The following NEK6 variants were observed in gnomAD, a reference collection of about 807,000 sequenced individuals.
NEK6 encodes serine/threonine-protein kinase Nek6.
NEK6 carries 27 observed loss-of-function variants against 43.5 expected under a neutral mutation model. That is an observed-to-expected ratio of 0.62 (90% CI 0.46 to 0.86). NEK6 has a LOEUF of 0.86. Ranked by LOEUF, NEK6 falls within the 40% of genes least tolerant of loss-of-function variation. NEK6 has a pLI of 0.00. For missense variants in NEK6, 318 were observed against 414.4 expected, an observed-to-expected ratio of 0.77 and a Z score of 2.02; for synonymous variants, 167 against 164.1, an observed-to-expected ratio of 1.02 and a Z score of -0.14.
At chr9:124,276,728 T>A (rs868089493) in intron 1 of NEK6, among the ~76,000 whole-genome samples, 4 of 152,356 alleles carry the variant, frequency 2.6e-5, no homozygotes, top group Middle Eastern at 3.4e-3. Context: ...CTCCTATTGC[T>A]ATTGTGGCTC....
chr9:124,327,200 A>G, intron 6 of NEK6, 138 bp from the exon 7 acceptor site: 1 of 697,348 alleles, frequency 1.4e-6, no homozygotes, highest in Non-Finnish European at 2.5e-6. Flanking sequence ...GAGGTCCCAC[A>G]GCCAGAGCCA....
intron 2 of NEK6, among the ~76,000 whole-genome samples, chr9:124,304,912 C>T (rs1342641865): frequency 1.3e-5 from 2 of 152,132 alleles, no homozygotes; most frequent in East Asian, 3.8e-4. Context: ...CTTAAAATGC[C>T]TCATGCTTTT....
chr9:124,341,052 G>GT (rs1207190342), intron 8 of NEK6, among the ~76,000 whole-genome samples: 14 of 152,058 alleles, frequency 9.2e-5, no homozygotes, highest in Admixed American at 7.9e-4. Flanking sequence ...TCTTTCTTTT[G>GT]TTTTTTTGAG....
rs924097036 is a variant in NEK6, at chr9:124,352,882, G to A, written c.*1935G>A. On this transcript the variant is annotated 3_prime_UTR_variant, in exon 10 of 10. Transcript: ENST00000320246. ...TCAACCTACTTTGTGCATGCCACCCGCTTTCCACACTGTGAGAACAATCTG... is the reference window on the plus strand; with the variant it reads ...TCAACCTACTTTGTGCATGCCACCCACTTTCCACACTGTGAGAACAATCTG... 2.0e-4 allele frequency: 30 copies of A among 152,292 alleles called. No individual in the cohort carries two copies. Among genetic ancestry groups the A allele is most frequent in the African/African-American group, 7.0e-4 (29 of 41,410 alleles). 9.4% of individuals were successfully genotyped at this position (152,292 alleles called of 1,614,324 possible). A position where few individuals can be genotyped will look rare whatever the true frequency, so the allele number is the denominator to read the frequency against.
At chr9:124,309,389 T>C (rs879458670) in intron 2 of NEK6, among the ~76,000 whole-genome samples, 1 of 152,148 alleles carries the variant, frequency 6.6e-6, no homozygotes, top group Non-Finnish European at 1.5e-5. Context: ...GGACGGGCAG[T>C]GTTGGGAACC....
At chr9:124,260,273 T>C (rs934924255) in intron 1 of NEK6, among the ~76,000 whole-genome samples, 3 of 152,196 alleles carry the variant, frequency 2.0e-5, no homozygotes, top group African/African-American at 7.2e-5. Context: ...CATTTTCTGC[T>C]CATCGTAGAT....
intron 7 of NEK6, among the ~76,000 whole-genome samples, chr9:124,331,365 G>A (rs1828989501): frequency 6.6e-6 from 1 of 152,074 alleles, no homozygotes; most frequent in African/African-American, 2.4e-5. Flanking sequence ...GCCCAGGGAA[G>A]TAAGAGAGAC....
intron 1 of NEK6, among the ~76,000 whole-genome samples, chr9:124,274,082 A>C (rs1371778868): frequency 6.6e-6 from 1 of 152,240 alleles, no homozygotes; most frequent in East Asian, 1.9e-4. Flanking sequence ...CAGAGGCAGG[A>C]TTGGCCGCCA....
At chr9:124,325,954 A>G (rs1244605956) in intron 5 of NEK6, among the ~76,000 whole-genome samples, 1 of 152,146 alleles carries the variant, frequency 6.6e-6, no homozygotes, top group Non-Finnish European at 1.5e-5. Context: ...CACCCATTTC[A>G]GTCTTGCAAG....
At chr9:124,262,657 G>T (rs1332485214) in intron 1 of NEK6, among the ~76,000 whole-genome samples, 2 of 152,232 alleles carry the variant, frequency 1.3e-5, no homozygotes. Context: ...GCGAGTGGGG[G>T]GGCCATGGGA....
intron 1 of NEK6, chr9:124,261,650 G>A: frequency 1.0e-4 from 93 of 912,016 alleles, no homozygotes; most frequent in Middle Eastern, 5.7e-4. Flanking sequence ...TTTCCATTTC[G>A]ATCACGGCTT....
chr9:124,350,587 T>C (rs1026381297), intron 9 of NEK6, among the ~76,000 whole-genome samples: 1 of 152,094 alleles, frequency 6.6e-6, no homozygotes, highest in African/African-American at 2.4e-5. Flanking sequence ...AGGTTAACCA[T>C]TCTTAGGGTC....
intron 4 of NEK6, 37 bp downstream of exon 4, chr9:124,314,022 C>A: frequency 1.2e-6 from 2 of 1,604,514 alleles, no homozygotes; most frequent in Non-Finnish European, 8.5e-7. Flanking sequence ...TTTGCCTCCT[C>A]GGGGAGGTTC....
intron 3 of NEK6, 117 bp downstream of exon 3, chr9:124,312,766 T>G (rs1833602414): frequency 1.1e-5 from 11 of 1,033,770 alleles, no homozygotes; most frequent in Non-Finnish European, 1.5e-5. Context: ...GAAACAGCAC[T>G]CAACTCACTG....
chr9:124,348,678 G>C (rs1439099453), intron 9 of NEK6, among the ~76,000 whole-genome samples: 1 of 152,204 alleles, frequency 6.6e-6, no homozygotes, highest in Non-Finnish European at 1.5e-5. Flanking sequence ...GTGGCCAATG[G>C]ATGGGGCCTG....
At chr9:124,344,673 T>G (rs566353482) in intron 8 of NEK6, among the ~76,000 whole-genome samples, 2 of 152,224 alleles carry the variant, frequency 1.3e-5, no homozygotes, top group Non-Finnish European at 2.9e-5. Flanking sequence ...CAGGACTGAT[T>G]TTTATCTATG....
chr9:124,326,202 T>TCGCCCCCCCCCCC lies in NEK6; in HGVS notation c.406-127_406-126insGCCCCCCCCCCCC. 1 of 124,052 alleles carries TCGCCCCCCCCCCC rather than the reference T, an allele frequency of 8.1e-6. No individual in the cohort carries two copies. The highest frequency in any genetic ancestry group is 4.5e-5 in the African/African-American group (1 of 22,140). 7.7% of individuals were successfully genotyped at this position (124,052 alleles called of 1,614,324 possible). ...GCTTATTGTTTGCTCAGTGGCTCAA[T>TCGCCCCCCCCCCC]CCCCCCCCCCCGCCCCTGCCAGGCA... On this transcript the variant is annotated intron_variant, in intron 5 of 9. Coordinates refer to ENST00000320246, the MANE Select transcript of NEK6 (RefSeq NM_014397.6). This position sits in a 1 kb window ranked among gnomAD's most constrained non-coding sequence, Gnocchi z 4.5.
chr9:124,322,737 C>T (rs888886571), intron 5 of NEK6, among the ~76,000 whole-genome samples: 3 of 152,260 alleles, frequency 2.0e-5, no homozygotes, highest in South Asian at 2.1e-4. Context: ...GGAGCCCCCA[C>T]CCTGCTCACA....
chr9:124,294,808 G>A (rs1832602820), intron 1 of NEK6, among the ~76,000 whole-genome samples: 1 of 152,204 alleles, frequency 6.6e-6, no homozygotes, highest in Non-Finnish European at 1.5e-5. Context: ...TCAGGCTTGT[G>A]TGTTAGGAAA....
Sources: gnomAD v4.1 joint callset for allele counts (sites outside exome capture counted in the v4.1 genomes callset) on GRCh38, gnomAD v4.1.1 for gene constraint, Gnocchi (gnomAD v3.1) non-coding constraint, MANE v1.5 for transcripts, NCBI Gene and HGNC (gene_info 2026-07-23, HGNC 2026-07-21) for gene names.